Variants in ATP6V0A1 observed in about 807,000 individuals in gnomAD.
ATP6V0A1 encodes V-type proton ATPase 116 kDa subunit a 1.
A neutral mutation model predicts 105.4 loss-of-function variants in ATP6V0A1; 43 were observed. That is an observed-to-expected ratio of 0.41 (90% CI 0.32 to 0.53). The LOEUF (loss-of-function observed/expected upper bound fraction) is 0.53, where lower values mean the gene tolerates loss of function less well. Among genes scored for constraint, ATP6V0A1 ranks in the 20% least tolerant of loss-of-function variants. The probability of loss-of-function intolerance (pLI) is 0.30; values close to 1 mark genes in which losing one functional copy is unlikely to be tolerated. For missense variants in ATP6V0A1, 676 were observed against 1,051.1 expected, an observed-to-expected ratio of 0.64 and a Z score of 4.93; for synonymous variants, 362 against 372.8, an observed-to-expected ratio of 0.97 and a Z score of 0.33.
chr17:42,486,740 G>A (rs2090150889), intron 9 of ATP6V0A1, among the ~76,000 whole-genome samples: 1 of 152,164 alleles, frequency 6.6e-6, no homozygotes, highest in Non-Finnish European at 1.5e-5. Context: ...CTCTCCTGAT[G>A]CTGGCCCATG....
chr17:42,477,882 A>T, intron 6 of ATP6V0A1, 140 bp downstream of exon 6: 1 of 688,002 alleles, frequency 1.5e-6, no homozygotes, highest in Non-Finnish European at 2.4e-6. Flanking sequence ...ACAACTCTGG[A>T]TTCATGCCTG....
intron 10 of ATP6V0A1, among the ~76,000 whole-genome samples, 197 bp downstream of exon 10, chr17:42,487,564 A>G (rs1190827454): frequency 1.3e-5 from 2 of 151,960 alleles, no homozygotes; most frequent in African/African-American, 4.8e-5. Context: ...CGTCTCTACT[A>G]AAAAATACAA....
intron 11 of ATP6V0A1, among the ~76,000 whole-genome samples, chr17:42,491,426 T>C (rs957499999): frequency 2.0e-5 from 3 of 152,192 alleles, no homozygotes; most frequent in African/African-American, 7.2e-5. Flanking sequence ...TTCTTCTGCC[T>C]CAGCCTCCCG....
chr17:42,494,463 A>T lies in ATP6V0A1; in HGVS notation c.1304A>T (p.Asn435Ile), dbSNP rs940991057. 6.2e-7 allele frequency: 1 copy of T among 1,612,626 alleles called. No individual in the cohort carries two copies. The highest frequency in any genetic ancestry group is 8.5e-7 in the Non-Finnish European group (1 of 1,179,470). Residue 435 changes from asparagine to isoleucine, a missense_variant, in exon 12 of 22, where the codon AAT (asparagine) becomes ATT (isoleucine). Coordinates refer to ENST00000343619, the MANE Select transcript of ATP6V0A1 (RefSeq NM_001130021.3). ...GAGAGCCGGATCCTTTCCCAGAAGAATGAGAATGAGGTAATGTTTAAGTTA... is the reference window on the plus strand; with the variant it reads ...GAGAGCCGGATCCTTTCCCAGAAGATTGAGAATGAGGTAATGTTTAAGTTA... Reference protein sequence around the residue: ...LRESRILSQKNENEMFSTVFS... With the variant: ...LRESRILSQKIENEMFSTVFS...
At chr17:42,470,430 A>G (rs867110981) in intron 5 of ATP6V0A1, 7 of 483,046 alleles carry the variant, frequency 1.4e-5, no homozygotes, top group African/African-American at 1.2e-4. Context: ...ATTTTCTTCA[A>G]TTTTTCATCT....
chr17:42,463,215 CA>C lies in ATP6V0A1; in HGVS notation c.117+2205del, dbSNP rs1440556533. ...AGAGATGGAGTTTCACCATGTTGCC[CA>C]GGCTGGTCTCGAACTCCTGACCTCA... On this transcript the variant is annotated intron_variant, in intron 2 of 21. Coordinates refer to ENST00000343619, the MANE Select transcript of ATP6V0A1 (RefSeq NM_001130021.3). Among the ~76,000 whole-genome samples, 9 of 151,472 alleles carry C rather than the reference CA, an allele frequency of 5.9e-5. No homozygotes were observed. In the East Asian group the frequency reaches 1.7e-3, roughly 29 times the overall value.
chr17:42,508,586 A>G lies in ATP6V0A1; in HGVS notation c.2127A>G (p.Glu709=), dbSNP rs78490336. Residue 709 remains glutamate, a synonymous_variant, in exon 19 of 22, where the codon GAA becomes GAG. Coordinates refer to ENST00000343619, the MANE Select transcript of ATP6V0A1 (RefSeq NM_001130021.3). ...GTGTTTTCAAGCCTTCCGAGGACGA[A>G]GTGGTAAGATGAAAGCTGGCGTTGC... is the stretch of plus-strand genomic sequence containing the variant. ...SEDADEPSED[E]VFDFGDTMVH... 1 of 1,613,996 alleles carries G rather than the reference A, an allele frequency of 6.2e-7. No homozygotes were observed. The highest frequency in any genetic ancestry group is 8.5e-7 in the Non-Finnish European group (1 of 1,179,896).
chr17:42,475,140 T>C (rs1365623740), intron 5 of ATP6V0A1, among the ~76,000 whole-genome samples: 2 of 152,246 alleles, frequency 1.3e-5, no homozygotes, highest in Admixed American at 6.5e-5. Flanking sequence ...TTTATTTTTT[T>C]CCCATCTGCC....
At chr17:42,497,776 G>A (rs140321551) in intron 14 of ATP6V0A1, among the ~76,000 whole-genome samples, 2,390 of 151,168 alleles carry the variant, frequency 0.016, 55 homozygotes, top group African/African-American at 0.055. Flanking sequence ...GGTGGCTCAC[G>A]CCTGTAATCC....
intron 17 of ATP6V0A1, among the ~76,000 whole-genome samples, chr17:42,502,212 G>A (rs1373320514): frequency 2.0e-5 from 3 of 152,160 alleles, no homozygotes; most frequent in South Asian, 2.1e-4. Context: ...CTCACGCTGC[G>A]CTCAGGAAAA....
intron 5 of ATP6V0A1, chr17:42,470,939 A>G (rs1175352033): frequency 1.3e-5 from 2 of 151,782 alleles, no homozygotes; most frequent in African/African-American, 2.4e-5. Context: ...CCTGGCCAAC[A>G]TGGTGAAACC....
At chr17:42,466,321 C>T (rs2087053763) in intron 2 of ATP6V0A1, 108 bp from the exon 3 acceptor site, 8 of 855,250 alleles carry the variant, frequency 9.4e-6, no homozygotes, top group Non-Finnish European at 1.5e-5. Context: ...AGTGTTGCAT[C>T]ATGCATTGAC....
rs539577328 is a variant in ATP6V0A1, at chr17:42,497,945, A to G, written c.1561-979A>G. Among the ~76,000 whole-genome samples the G allele has an allele frequency of 3.7e-3, 549 of 148,850 alleles. 6 individuals carry two copies. Among genetic ancestry groups the G allele is most frequent in the African/African-American group, 0.013 (531 of 40,214 alleles). Reference sequence around the variant, plus strand: ...AGAGTTCATCTCAAAAAAAAAAGAAAAAAAAAAAAAGCCTTACTGGCCGGG... The same window carrying G: ...AGAGTTCATCTCAAAAAAAAAAGAAGAAAAAAAAAAGCCTTACTGGCCGGG... On this transcript the variant is annotated intron_variant, in intron 14 of 21. Transcript: ENST00000343619.
chr17:42,520,583 G>A (rs768870293), intron 21 of ATP6V0A1: 15 of 456,900 alleles, frequency 3.3e-5, no homozygotes, highest in South Asian at 1.5e-4. Flanking sequence ...CTCCAAGCTC[G>A]CCCTTTTGCT....
chr17:42,500,771 T>C lies in ATP6V0A1; in HGVS notation c.1744T>C (p.Leu582=). 6.2e-7 allele frequency: 1 copy of C among 1,614,066 alleles called. No individual in the cohort carries two copies. Among genetic ancestry groups the C allele is most frequent in the Non-Finnish European group, 8.5e-7 (1 of 1,179,924 alleles). Residue 582 remains leucine (L), a synonymous_variant, in exon 16 of 22, where the codon TTG becomes CTG. Transcript: ENST00000343619. ...TCCTGAAATAATCTTCATGACCTCT[T>C]TGTTTGGCTATTTGGTTATCCTTAT... ...FIPEIIFMTS[L]FGYLVILIFY... is the part of the protein sequence containing the mutation.
At chr17:42,469,799 C>G (rs1007707807) in intron 4 of ATP6V0A1, among the ~76,000 whole-genome samples, 2 of 152,110 alleles carry the variant, frequency 1.3e-5, no homozygotes, top group African/African-American at 4.8e-5. Flanking sequence ...TGCGCCAGCA[C>G]GCCCAGCTAA....
In ATP6V0A1 at chr17:42,480,942, G is replaced by A. The variant is rs8080161; in HGVS notation, c.716+193G>A. 5 of 456,244 alleles carry A rather than the reference G, an allele frequency of 1.1e-5. No homozygotes were observed. The East Asian group carries it at 1.9e-4, about 17-fold the overall frequency. The allele number at this position is 456,244 out of a possible 1,614,324, so 28.3% of individuals were successfully genotyped here. On this transcript the variant is annotated intron_variant, in intron 8 of 21. Coordinates refer to ENST00000343619, the MANE Select transcript of ATP6V0A1 (RefSeq NM_001130021.3). ...TTATTTTTATTTTTGTTGTTCAGAT[G>A]GGGGGGTCTCACTCTGTTGCCCAGG...
At chr17:42,501,102 G>A in intron 16 of ATP6V0A1, 95 bp from the exon 17 acceptor site, 2 of 1,178,422 alleles carry the variant, frequency 1.7e-6, no homozygotes, top group Non-Finnish European at 2.5e-6. Flanking sequence ...TAGTAAGAAA[G>A]TACTGTTGGG....
chr17:42,495,635 G>A lies in ATP6V0A1; in HGVS notation c.1479G>A (p.Thr493=), dbSNP rs774138296. The part of the protein sequence containing the change: ...PMFTYNWTEE[T]LRGNPVLQLN... ...TTCCCTGTCATGGTAGTGAAGAGAC[G>A]CTTCGGGGGAACCCTGTTCTACAGC... is the stretch of plus-strand genomic sequence containing the variant. The change falls in exon 14 of 22, where the codon ACG becomes ACA. Residue 493 remains threonine (T), a synonymous_variant. Coordinates refer to ENST00000343619, the MANE Select transcript of ATP6V0A1 (RefSeq NM_001130021.3). The A allele has an allele frequency of 4.3e-6, 7 of 1,612,944 alleles. No individual in the cohort carries two copies. The highest frequency in any genetic ancestry group is 2.2e-5 in the East Asian group (1 of 44,890).
Sources: allele counts gnomAD v4.1 joint callset (sites outside exome capture counted in the v4.1 genomes callset), GRCh38; gene constraint gnomAD v4.1.1; transcripts MANE v1.5; gene names NCBI Gene and HGNC (gene_info 2026-07-23, HGNC 2026-07-21).